PTPRO: variants seen among roughly 807,000 people sequenced by gnomAD.
PTPRO encodes the protein receptor-type tyrosine-protein phosphatase O.
In PTPRO, 62 loss-of-function variants were observed where a neutral mutation model predicts 145.2. The ratio of observed to expected loss-of-function variants is 0.43; its 90% CI spans 0.35 to 0.53. PTPRO has a LOEUF of 0.53. PTPRO is among the 20% of genes least tolerant of loss of function. The probability of loss-of-function intolerance (pLI) is 0.01; values close to 1 mark genes in which losing one functional copy is unlikely to be tolerated. For missense variants in PTPRO, 1,345 were observed against 1,482.7 expected, an observed-to-expected ratio of 0.91 and a Z score of 1.53; for synonymous variants, 565 against 514.7, an observed-to-expected ratio of 1.10 and a Z score of -1.32.
At chr12:15,417,522 C>T (rs978131064) in intron 1 of PTPRO, among the ~76,000 whole-genome samples, 11 of 151,800 alleles carry the variant, frequency 7.2e-5, no homozygotes, top group Middle Eastern at 6.8e-3. Context: ...CCTCGACCAT[C>T]AGCATTGAAA....
At chr12:15,516,148 G>A (rs564893299) in intron 8 of PTPRO, among the ~76,000 whole-genome samples, 74 of 151,206 alleles carry the variant, frequency 4.9e-4, no homozygotes, top group African/African-American at 1.2e-3. Flanking sequence ...ATGCCACCAT[G>A]CCTGGCTAAT....
intron 1 of PTPRO, among the ~76,000 whole-genome samples, chr12:15,450,225 A>G (rs1157081758): frequency 6.6e-6 from 1 of 152,234 alleles, no homozygotes; most frequent in African/African-American, 2.4e-5. Context: ...TTACAAAAGC[A>G]ATATTCCTGC....
intron 22 of PTPRO, 75 bp from the exon 23 acceptor site, chr12:15,581,604 G>A: frequency 1.3e-6 from 2 of 1,541,732 alleles, no homozygotes; most frequent in South Asian, 2.2e-5. Flanking sequence ...GAATACCTTT[G>A]TTTTCCCTAA....
chr12:15,553,191 A>G (rs931294481), intron 15 of PTPRO, among the ~76,000 whole-genome samples: 1 of 152,184 alleles, frequency 6.6e-6, no homozygotes, highest in African/African-American at 2.4e-5. Context: ...TGCTACATAT[A>G]TGACAGTATA....
At chr12:15,589,675 C>A in intron 25 of PTPRO, 85 bp downstream of exon 25, 1 of 1,493,672 alleles carries the variant, frequency 6.7e-7, no homozygotes, top group Non-Finnish European at 9.3e-7. Flanking sequence ...CAAAACAATT[C>A]TCTCAAACTT....
chr12:15,459,545 G>A (rs1165243419), intron 1 of PTPRO, among the ~76,000 whole-genome samples: 1 of 152,250 alleles, frequency 6.6e-6, no homozygotes, highest in East Asian at 1.9e-4. Context: ...CAGCTTCAGT[G>A]TGGTTGGTTT....
intron 14 of PTPRO, among the ~76,000 whole-genome samples, chr12:15,550,496 C>T (rs913960335): frequency 6.6e-6 from 1 of 152,156 alleles, no homozygotes. Context: ...GTCCATCATT[C>T]CTTGTCAGCT....
rs889964252 is a variant in PTPRO, at chr12:15,520,293, T to C, written c.1872T>C (p.Ser624=). The change falls in exon 10 of 27, where the codon TCT becomes TCC. Residue 624 remains serine, a synonymous_variant. Transcript: ENST00000281171. ...GDPELSCCDS[S]TISFITAPVA... ...CAGAATTGAGCTGCTGTGACAGCTC[T>C]ACCATCAGCTTCATAACAGGTGAGG... 4 of 1,611,712 alleles carry C rather than the reference T, an allele frequency of 2.5e-6. No homozygotes were observed. Among genetic ancestry groups the C allele is most frequent in the Non-Finnish European group, 3.4e-6 (4 of 1,178,066 alleles).
chr12:15,586,715 C>T (rs995936705), intron 23 of PTPRO, among the ~76,000 whole-genome samples, 182 bp from the exon 24 acceptor site: 3 of 151,856 alleles, frequency 2.0e-5, no homozygotes, highest in Admixed American at 2.0e-4. Context: ...ATACAATTAG[C>T]GTGGTTTTTT....
At chr12:15,439,050 A>C (rs1940682083) in intron 1 of PTPRO, among the ~76,000 whole-genome samples, 1 of 152,178 alleles carries the variant, frequency 6.6e-6, no homozygotes, top group African/African-American at 2.4e-5. Flanking sequence ...ATGTACAAAG[A>C]GAACCCCATC....
At chr12:15,363,256 C>T (rs1938262490) in intron 1 of PTPRO, among the ~76,000 whole-genome samples, 1 of 152,108 alleles carries the variant, frequency 6.6e-6, no homozygotes, top group Non-Finnish European at 1.5e-5. Flanking sequence ...CTTAGTTTTG[C>T]AAGACTTTGA....
At chr12:15,364,091 G>A (rs558224083) in intron 1 of PTPRO, among the ~76,000 whole-genome samples, 5 of 152,256 alleles carry the variant, frequency 3.3e-5, no homozygotes, top group Admixed American at 6.5e-5. Context: ...TGACCATTGT[G>A]TAATAGAGAA....
chr12:15,430,065 G>A (rs542851582), intron 1 of PTPRO, among the ~76,000 whole-genome samples: 2 of 151,996 alleles, frequency 1.3e-5, no homozygotes, highest in Middle Eastern at 3.4e-3. Context: ...CCTTTCTGAC[G>A]TTCAAGTAGG....
intron 1 of PTPRO, among the ~76,000 whole-genome samples, chr12:15,474,661 A>C (rs1347107358): frequency 1.3e-5 from 2 of 152,228 alleles, no homozygotes; most frequent in Non-Finnish European, 2.9e-5. Context: ...TTATTACTTC[A>C]TCTCAAAAAA....
chr12:15,418,712 G>A (rs1259444941), intron 1 of PTPRO, among the ~76,000 whole-genome samples: 1 of 151,740 alleles, frequency 6.6e-6, no homozygotes, highest in Non-Finnish European at 1.5e-5. Context: ...AGGAATGAGT[G>A]TGCCATACGT....
chr12:15,433,616 C>T (rs1940513892), intron 1 of PTPRO, among the ~76,000 whole-genome samples: 1 of 152,152 alleles, frequency 6.6e-6, no homozygotes, highest in Non-Finnish European at 1.5e-5. Context: ...AATAGGGAGT[C>T]TTTTCCTCAT....
Position 15,497,182 on chromosome 12 carries a change from A to G in PTPRO, c.350-63A>G, listed in dbSNP as rs956565365. On this transcript the variant is annotated intron_variant, in intron 2 of 26. Transcript: ENST00000281171. ...GGTGTAATCCTTGCTTAATTCAAGTATTGATATCGGCCTTTCTCTCTCCTC... is the reference window on the plus strand; with the variant it reads ...GGTGTAATCCTTGCTTAATTCAAGTGTTGATATCGGCCTTTCTCTCTCCTC... 50 of 1,418,800 alleles carry G rather than the reference A, an allele frequency of 3.5e-5. 1 individual carries two copies. The highest frequency in any genetic ancestry group is 4.8e-5 in the Non-Finnish European group (49 of 1,011,174). The allele number at this position is 1,418,800 out of a possible 1,614,324, so 87.9% of individuals were successfully genotyped here.
At chr12:15,556,648 T>C (rs1308749486) in intron 15 of PTPRO, among the ~76,000 whole-genome samples, 1 of 152,118 alleles carries the variant, frequency 6.6e-6, no homozygotes, top group Non-Finnish European at 1.5e-5. Flanking sequence ...AATACGGGCA[T>C]CACAATATAA....
chr12:15,400,646 C>G (rs1939467357), intron 1 of PTPRO, among the ~76,000 whole-genome samples: 1 of 152,160 alleles, frequency 6.6e-6, no homozygotes, highest in African/African-American at 2.4e-5. Flanking sequence ...TTCCATTGTG[C>G]AAAGTACCAA....
Sources: gnomAD v4.1 joint callset for allele counts (sites outside exome capture counted in the v4.1 genomes callset) on GRCh38, gnomAD v4.1.1 for gene constraint, MANE v1.5 for transcripts, NCBI Gene and HGNC (gene_info 2026-07-23, HGNC 2026-07-21) for gene names.